MRS2: variants seen among roughly 807,000 people sequenced by gnomAD.
MRS2 encodes magnesium transporter MRS2.
Under a neutral mutation model 52.6 loss-of-function variants are expected in MRS2, and 40 were observed. That is an observed-to-expected ratio of 0.76 (90% CI 0.59 to 0.99). MRS2 has a LOEUF of 0.99. Among genes scored for constraint, MRS2 ranks in the 50% least tolerant of loss-of-function variants. The pLI is 0.00. For missense variants in MRS2, 472 were observed against 532.7 expected, an observed-to-expected ratio of 0.89 and a Z score of 1.12; for synonymous variants, 193 against 195.9, an observed-to-expected ratio of 0.98 and a Z score of 0.13.
At chr6:24,423,349 G>T in intron 10 of MRS2, 3 of 484,682 alleles carry the variant, frequency 6.2e-6, no homozygotes, top group East Asian at 3.3e-5. Context: ...AGTAATTCTG[G>T]TATAAGGTTT....
At chr6:24,411,880 T>G (rs1402861796) in intron 4 of MRS2, among the ~76,000 whole-genome samples, 1 of 151,046 alleles carries the variant, frequency 6.6e-6, no homozygotes, top group African/African-American at 2.4e-5. Flanking sequence ...TTTTTGTTTT[T>G]TTTTCATGAT....
At chr6:24,416,304 T>C (rs1761845961) in intron 6 of MRS2, 93 bp from the exon 7 acceptor site, 1 of 600,730 alleles carries the variant, frequency 1.7e-6, no homozygotes, top group Admixed American at 3.0e-5. Flanking sequence ...ATGTATAAGA[T>C]AATATATTTG....
rs188307526 is a variant in MRS2, at chr6:24,409,635, C to T, written c.414+62C>T. Reference sequence around the variant, plus strand: ...CAATCTTATAAAAGTTACCTTCTAACTATCTTGATTAGTATCTAGGTTAAA... The same window carrying T: ...CAATCTTATAAAAGTTACCTTCTAATTATCTTGATTAGTATCTAGGTTAAA... On this transcript the variant is annotated intron_variant, in intron 4 of 10. Transcript: ENST00000378386. 1.7e-3 allele frequency: 1,797 copies of T among 1,039,584 alleles called. 29 individuals are homozygous for T. The highest frequency in any genetic ancestry group is 3.2e-3 in the East Asian group (128 of 40,418). 64.4% of individuals were successfully genotyped at this position (1,039,584 alleles called of 1,614,324 possible).
rs1248780642 is a variant in MRS2 at position 24,426,166 on chromosome 6, G to C, written c.*2472G>C. On this transcript the variant is annotated 3_prime_UTR_variant, in exon 11 of 11. Coordinates refer to ENST00000378386, the MANE Select transcript of MRS2 (RefSeq NM_020662.4). ...ATATGTAAATGTCTTCTGATATCTT[G>C]AAATAAAGATAAATTTCAGTTAAAC... 1 of 152,170 alleles carries C rather than the reference G, an allele frequency of 6.6e-6. No homozygotes were observed. Among genetic ancestry groups the C allele is most frequent in the Non-Finnish European group, 1.5e-5 (1 of 68,022 alleles). The allele number at this position is 152,170 out of a possible 1,614,324, so 9.4% of individuals were successfully genotyped here.
rs1253928230 is a variant in MRS2, at chr6:24,415,073, T to G, written c.629T>G (p.Leu210Arg). 6.2e-7 allele frequency: 1 copy of G among 1,611,706 alleles called. No homozygotes were observed. Among genetic ancestry groups the G allele is most frequent in the African/African-American group, 1.3e-5 (1 of 74,916 alleles). ...GGGAAACTTAGCATTTTGCAGCCACTGATCCTTGAGACCTTGGATGCTTTG... is the reference window on the plus strand; with the variant it reads ...GGGAAACTTAGCATTTTGCAGCCACGGATCCTTGAGACCTTGGATGCTTTG... ...LQGKLSILQPLILETLDALVD... is the reference protein window; with the variant it reads ...LQGKLSILQPRILETLDALVD... Residue 210 changes from leucine (L) to arginine (R), a missense_variant, in exon 6 of 11, where the codon CTG (leucine) becomes CGG (arginine). By Grantham distance (102) the Leu-to-Arg change is moderately radical. Transcript: ENST00000378386.
At chr6:24,406,943 ATT>A (rs945519651) in intron 2 of MRS2, among the ~76,000 whole-genome samples, 2 of 152,106 alleles carry the variant, frequency 1.3e-5, no homozygotes, top group Non-Finnish European at 2.9e-5. Context: ...CAAAGTAAAT[ATT>A]TTTTTCTTTA....
In MRS2 at chr6:24,425,516, C is replaced by T. The variant is rs1762204365; in HGVS notation, c.*1822C>T. 1 of 152,172 alleles carries T rather than the reference C, an allele frequency of 6.6e-6. No individual in the cohort carries two copies. Among genetic ancestry groups the T allele is most frequent in the South Asian group, 2.1e-4 (1 of 4,830 alleles). 9.4% of individuals were successfully genotyped at this position (152,172 alleles called of 1,614,324 possible). A position where few individuals can be genotyped will look rare whatever the true frequency, so the allele number is the denominator to read the frequency against. ...TATGATTTCAAAATATCAACTAGTT[C>T]CACTTTTGTGATTGCAGGATGCTTC... On this transcript the variant is annotated 3_prime_UTR_variant, in exon 11 of 11. Coordinates refer to ENST00000378386, the MANE Select transcript of MRS2 (RefSeq NM_020662.4).
intron 1 of MRS2, among the ~76,000 whole-genome samples, chr6:24,404,308 A>G (rs553895949): frequency 4.5e-4 from 69 of 152,354 alleles, no homozygotes; most frequent in African/African-American, 1.6e-3. Context: ...TTGTGACATT[A>G]AAACATTGAA....
At chr6:24,422,805 T>C (rs946310219) in intron 9 of MRS2, 132 bp from the exon 10 acceptor site, 4 of 534,234 alleles carry the variant, frequency 7.5e-6, no homozygotes, top group Middle Eastern at 5.2e-4. Context: ...CCCTTGTTTT[T>C]CTTAGTTCCT....
chr6:24,424,264 C>T lies in MRS2; in HGVS notation c.*570C>T, dbSNP rs1762154889. Reference sequence around the variant, plus strand: ...AATAAAAAGAAATAATTTAATATCACCATTGTATGGATTCCTAATCAAGAT... The same window carrying T: ...AATAAAAAGAAATAATTTAATATCATCATTGTATGGATTCCTAATCAAGAT... On this transcript the variant is annotated 3_prime_UTR_variant, in exon 11 of 11. Transcript: ENST00000378386. 6.6e-6 allele frequency: 1 copy of T among 151,352 alleles called. No homozygotes were observed. Among genetic ancestry groups the T allele is most frequent in the African/African-American group, 2.5e-5 (1 of 40,708 alleles). The allele number at this position is 151,352 out of a possible 1,614,324, so 9.4% of individuals were successfully genotyped here. A position where few individuals can be genotyped will look rare whatever the true frequency, so the allele number is the denominator to read the frequency against.
intron 1 of MRS2, among the ~76,000 whole-genome samples, chr6:24,404,861 G>GGTGCA (rs1256616545): frequency 6.6e-6 from 1 of 152,170 alleles, no homozygotes; most frequent in Non-Finnish European, 1.5e-5. Flanking sequence ...AGAACACGAT[G>GGTGCA]TTGCACATTT....
intron 10 of MRS2, 78 bp downstream of exon 10, chr6:24,423,128 A>G (rs1762108845): frequency 8.8e-7 from 1 of 1,141,902 alleles, no homozygotes; most frequent in African/African-American, 1.6e-5. Context: ...CCTGGGATTA[A>G]GTTGTCACAG....
Position 24,418,501 on chromosome 6 carries a change from A to G in MRS2, c.1030A>G (p.Met344Val), listed in dbSNP as rs1172372535. 2 of 1,614,034 alleles carry G rather than the reference A, an allele frequency of 1.2e-6. No homozygotes were observed. The highest frequency in any genetic ancestry group is 2.2e-5 in the East Asian group (1 of 44,898). ...VMMRLNLQLTMGTFSLSLFGL... is the reference protein window; with the variant it reads ...VMMRLNLQLTVGTFSLSLFGL... ...GATGAGGTTGAATCTACAGCTGACC[A>G]TGGGAACCTTCTCTCTTTCGCTCTT... Residue 344 changes from methionine (M) to valine (V), a missense_variant, in exon 9 of 11, where the codon ATG becomes GTG. By Grantham distance (21) the Met-to-Val change is conservative (BLOSUM62 1). Transcript: ENST00000378386.
chr6:24,405,417 T>C (rs1761434912), intron 2 of MRS2, among the ~76,000 whole-genome samples, 176 bp downstream of exon 2: 1 of 152,226 alleles, frequency 6.6e-6, no homozygotes, highest in African/African-American at 2.4e-5. Flanking sequence ...TGCTTAACAA[T>C]GATCTTGAAC....
chr6:24,419,799 GTC>G (rs558291770), intron 9 of MRS2, among the ~76,000 whole-genome samples: 235 of 152,320 alleles, frequency 1.5e-3, no homozygotes, highest in Non-Finnish European at 2.8e-3. Flanking sequence ...GGGTATTCAA[GTC>G]TCTGATATAA....
chr6:24,408,489 T>A, intron 3 of MRS2, 45 bp downstream of exon 3: 1 of 1,280,862 alleles, frequency 7.8e-7, no homozygotes, highest in Non-Finnish European at 1.1e-6. Flanking sequence ...ATTTAATGAG[T>A]GAATCTGATA....
At chr6:24,419,466 T>A (rs1196529816) in intron 9 of MRS2, among the ~76,000 whole-genome samples, 1 of 152,190 alleles carries the variant, frequency 6.6e-6, no homozygotes, top group Non-Finnish European at 1.5e-5. Context: ...TTTTAATTCT[T>A]ACATGTCTGG....
At chr6:24,422,206 A>C (rs1214995762) in intron 9 of MRS2, among the ~76,000 whole-genome samples, 1 of 152,238 alleles carries the variant, frequency 6.6e-6, no homozygotes, top group African/African-American at 2.4e-5. Context: ...CATTTCCATC[A>C]GTGATAGCTG....
At chr6:24,419,767 C>G (rs1761980124) in intron 9 of MRS2, among the ~76,000 whole-genome samples, 1 of 152,208 alleles carries the variant, frequency 6.6e-6, no homozygotes, top group African/African-American at 2.4e-5. Context: ...GTTACAGGAT[C>G]CCCACAGATA....
Sources: allele counts gnomAD v4.1 joint callset (sites outside exome capture counted in the v4.1 genomes callset), GRCh38; gene constraint gnomAD v4.1.1; transcripts MANE v1.5; gene names NCBI Gene and HGNC (gene_info 2026-07-23, HGNC 2026-07-21).